Variants in KAT6B observed in about 807,000 individuals in gnomAD.
KAT6B encodes lysine acetyltransferase 6B.
In KAT6B, 10 loss-of-function variants were observed where a neutral mutation model predicts 187.5. The observed-to-expected ratio is 0.05, with a 90% CI of 0.03 to 0.09. KAT6B has a LOEUF of 0.09. Among genes scored for constraint, KAT6B ranks in the 10% least tolerant of loss-of-function variants. The probability of loss-of-function intolerance (pLI) is 1.00; values close to 1 mark genes in which losing one functional copy is unlikely to be tolerated. For synonymous variants in KAT6B, 861 were observed against 926.8 expected (o/e 0.93, Z 1.29); for missense variants, 1,952 against 2,558.9 (o/e 0.76, Z 5.12).
Position 75,029,360 on chromosome 10 carries a change from A to C in KAT6B, c.4536A>C (p.Ala1512=), listed in dbSNP as rs572347318. 4 of 1,614,158 alleles carry C rather than the reference A, an allele frequency of 2.5e-6. No homozygotes were observed. The African/African-American group carries it at 4.0e-5, about 16-fold the overall frequency. The change falls in exon 18 of 18, where the codon GCA becomes GCC. Residue 1512 remains alanine, a synonymous_variant. Transcript: ENST00000287239. The surrounding 1 kb of genome is among the most constrained non-coding windows in gnomAD (Gnocchi z 6.2). ...SDEEPPPGEQ[A]QKQDQKNSKE... ...AGGAGCCACCCCCAGGAGAACAGGC[A>C]CAGAAGCAGGACCAAAAGAACAGCA... is the stretch of plus-strand genomic sequence containing the variant.
At chr10:74,989,947 A>G (rs1289772650) in intron 13 of KAT6B, among the ~76,000 whole-genome samples, 1 of 152,144 alleles carries the variant, frequency 6.6e-6, no homozygotes, top group African/African-American at 2.4e-5. Flanking sequence ...CTGTAATCCC[A>G]GCACTTTGGG....
intron 13 of KAT6B, among the ~76,000 whole-genome samples, chr10:75,008,185 T>C (rs1844355215): frequency 6.6e-6 from 1 of 152,172 alleles, no homozygotes; most frequent in Non-Finnish European, 1.5e-5. Flanking sequence ...AGAGAAAATA[T>C]TTAACTGTGA....
intron 10 of KAT6B, among the ~76,000 whole-genome samples, chr10:74,980,507 G>C (rs1322977269): frequency 6.6e-6 from 1 of 152,140 alleles, no homozygotes; most frequent in Admixed American, 6.5e-5. Context: ...ATACCATTTG[G>C]TTGTGTGTTC....
chr10:74,949,269 A>G (rs1043268392), intron 3 of KAT6B, among the ~76,000 whole-genome samples: 4 of 152,174 alleles, frequency 2.6e-5, no homozygotes, highest in East Asian at 1.9e-4. Context: ...GATAAATCCA[A>G]TACCTGCAGT....
intron 3 of KAT6B, among the ~76,000 whole-genome samples, chr10:74,876,034 C>T (rs1844390579): frequency 1.3e-5 from 2 of 152,172 alleles, no homozygotes; most frequent in South Asian, 4.1e-4. Context: ...CATACAACCT[C>T]AAGCATCCTA....
In KAT6B at chr10:75,029,497, C is replaced by T. The variant is rs1266713613; in HGVS notation, c.4673C>T (p.Thr1558Ile). 6 of 1,614,050 alleles carry T rather than the reference C, an allele frequency of 3.7e-6. No individual in the cohort carries two copies. Among genetic ancestry groups the T allele is most frequent in the African/African-American group, 1.3e-5 (1 of 74,910 alleles). Residue 1558 changes from threonine (T) to isoleucine (I), a missense_variant, in exon 18 of 18, where the codon ACC becomes ATC. This residue lies in a region of KAT6B where 758 missense variants were observed against 891.4 expected (regional missense o/e 0.85). Transcript: ENST00000287239. The surrounding 1 kb of genome is among the most constrained non-coding windows in gnomAD (Gnocchi z 6.2). ...LTQESSEQDD[T>I]FQDCAETQEA... The stretch of plus-strand genomic sequence containing the variant: ...CAGGAGAGCAGCGAACAGGACGACA[C>T]CTTTCAGGATTGTGCCGAGACTCAA...
At chr10:74,858,144 G>C (rs746485473) in intron 3 of KAT6B, among the ~76,000 whole-genome samples, 1 of 141,792 alleles carries the variant, frequency 7.1e-6, no homozygotes, top group Non-Finnish European at 1.5e-5. Flanking sequence ...TACATCCTGA[G>C]TCATTTCCAG....
intron 3 of KAT6B, among the ~76,000 whole-genome samples, chr10:74,877,820 T>C (rs978757317): frequency 6.6e-6 from 1 of 152,152 alleles, no homozygotes; most frequent in African/African-American, 2.4e-5. Flanking sequence ...TTAGGAGTAA[T>C]TTATGTTTGG....
chr10:74,860,197 C>T (rs1447919666), intron 3 of KAT6B, among the ~76,000 whole-genome samples: 1 of 151,950 alleles, frequency 6.6e-6, no homozygotes, highest in African/African-American at 2.4e-5. Context: ...CTTCTCTCTC[C>T]TGAAATCCAT....
chr10:74,895,135 GA>G (rs1845902619), intron 3 of KAT6B, among the ~76,000 whole-genome samples: 1 of 151,456 alleles, frequency 6.6e-6, no homozygotes, highest in African/African-American at 2.4e-5. Context: ...TTTCTCTAAT[GA>G]TTAGTGATGT....
At chr10:74,890,714 C>T (rs1271800175) in intron 3 of KAT6B, among the ~76,000 whole-genome samples, 5 of 152,162 alleles carry the variant, frequency 3.3e-5, no homozygotes, top group Non-Finnish European at 7.3e-5. Flanking sequence ...GAAATTTGAC[C>T]TTGAGTCAGT....
chr10:75,016,241 T>G (rs915744097), intron 13 of KAT6B, among the ~76,000 whole-genome samples: 1 of 152,208 alleles, frequency 6.6e-6, no homozygotes, highest in Non-Finnish European at 1.5e-5. Context: ...CATTTCAAAC[T>G]CAGGGCTAGT....
chr10:74,879,888 A>G (rs1043390828), intron 3 of KAT6B, among the ~76,000 whole-genome samples: 2 of 152,150 alleles, frequency 1.3e-5, no homozygotes, highest in African/African-American at 2.4e-5. Context: ...TGAGGTCAGG[A>G]GTTTGAGACC....
In KAT6B at chr10:75,022,086, A is replaced by T; in HGVS notation, c.3227A>T (p.Glu1076Val). ...AGCAGTGAAGAAGAAGAGGAGGAGG[A>T]GGACGAGGAGGAGGAAGAAGAGGAG... The part of the protein sequence containing the change: ...KESSEEEEEE[E>V]DEEEEEEEEE... Residue 1076 changes from glutamate (E) to valine (V), a missense_variant, in exon 16 of 18, where the codon GAG (glutamate) becomes GTG (valine). By Grantham distance (121) the Glu-to-Val change is moderately radical (BLOSUM62 -2). Coordinates refer to ENST00000287239, the MANE Select transcript of KAT6B (RefSeq NM_012330.4). 2 of 1,604,424 alleles carry T rather than the reference A, an allele frequency of 1.2e-6. No homozygotes were observed. The highest frequency in any genetic ancestry group is 1.7e-6 in the Non-Finnish European group (2 of 1,172,142).
At chr10:74,958,457 A>G (rs987930981) in intron 3 of KAT6B, among the ~76,000 whole-genome samples, 1 of 152,222 alleles carries the variant, frequency 6.6e-6, no homozygotes, top group African/African-American at 2.4e-5. Context: ...ATTCAAATAT[A>G]GAGACATCAT....
intron 12 of KAT6B, among the ~76,000 whole-genome samples, chr10:74,986,441 G>A (rs1166674659): frequency 1.3e-5 from 2 of 152,126 alleles, no homozygotes; most frequent in Admixed American, 6.5e-5. Context: ...CAATGTAAAT[G>A]GGATGCTTTA....
At chr10:74,973,374 A>C (rs1411536715) in intron 7 of KAT6B, among the ~76,000 whole-genome samples, 1 of 152,200 alleles carries the variant, frequency 6.6e-6, no homozygotes, top group Non-Finnish European at 1.5e-5. Context: ...TGTGTAGAGT[A>C]TAGATTTGAC....
chr10:74,935,276 CACACAT>C (rs1158251596), intron 3 of KAT6B, among the ~76,000 whole-genome samples: 4 of 7,260 alleles, frequency 5.5e-4, no homozygotes, highest in African/African-American at 5.3e-3. Flanking sequence ...TTTACATACA[CACACAT>C]ATATATATAT....
intron 4 of KAT6B, among the ~76,000 whole-genome samples, chr10:74,963,904 A>G (rs1437781646): frequency 3.3e-5 from 5 of 152,018 alleles, no homozygotes; most frequent in African/African-American, 1.2e-4. Context: ...CAGGTGGATC[A>G]CCTGAGGTCA....
Sources: gnomAD v4.1 joint callset for allele counts (sites outside exome capture counted in the v4.1 genomes callset) on GRCh38, gnomAD v4.1.1 for gene constraint, gnomAD v4.1.1 regional missense constraint, Gnocchi (gnomAD v3.1) non-coding constraint, MANE v1.5 for transcripts, NCBI Gene and HGNC (gene_info 2026-07-23, HGNC 2026-07-21) for gene names.